Variants in PDC observed in about 807,000 individuals in gnomAD.
PDC encodes the protein 33 kDa phototransducing protein.
A neutral mutation model predicts 22.2 loss-of-function variants in PDC; 19 were observed. The ratio of observed to expected loss-of-function variants is 0.86; its 90% CI spans 0.60 to 1.26. PDC has a LOEUF of 1.26. Ranked by LOEUF, PDC falls within the 50% of genes most tolerant of loss-of-function variation. The pLI is 0.00. For missense variants in PDC, 274 were observed against 286.8 expected (o/e 0.96, Z 0.32); for synonymous variants, 97 against 96.2 (o/e 1.01, Z -0.05).
chr1:186,446,363 AGATT>A, intron 3 of PDC, 59 bp downstream of exon 3: 1 of 1,219,472 alleles, frequency 8.2e-7, no homozygotes, highest in Non-Finnish European at 1.1e-6. Flanking sequence ...GTGATTCTCT[AGATT>A]GATTTAGATT....
chr1:186,447,495 C>A (rs1662258166), intron 2 of PDC, among the ~76,000 whole-genome samples: 1 of 152,150 alleles, frequency 6.6e-6, no homozygotes, highest in Non-Finnish European at 1.5e-5. Flanking sequence ...GATGATTCAA[C>A]TGGAATTCTG....
intron 1 of PDC, among the ~76,000 whole-genome samples, chr1:186,452,554 A>G (rs1311927534): frequency 6.6e-6 from 1 of 152,226 alleles, no homozygotes; most frequent in African/African-American, 2.4e-5. Flanking sequence ...AAGTAATTTA[A>G]TTGAAATATT....
chr1:186,456,888 T>TA (rs1235642975), intron 1 of PDC, among the ~76,000 whole-genome samples: 1 of 152,216 alleles, frequency 6.6e-6, no homozygotes, highest in African/African-American at 2.4e-5. Context: ...ACCTGGCACA[T>TA]ACTATGCTTT....
chr1:186,448,174 T>G (rs1662274894), intron 2 of PDC, among the ~76,000 whole-genome samples: 1 of 152,188 alleles, frequency 6.6e-6, no homozygotes, highest in African/African-American at 2.4e-5. Flanking sequence ...TAAGTAAAAT[T>G]CCCTGGTCAA....
At chr1:186,446,621 A>G (rs1662234018) in intron 2 of PDC, 44 bp from the exon 3 acceptor site, 4 of 1,224,966 alleles carry the variant, frequency 3.3e-6, no homozygotes, top group South Asian at 2.9e-5. Flanking sequence ...TTTATTTTCA[A>G]AAGGACTGTT....
chr1:186,458,225 T>TC (rs1338377050), intron 1 of PDC, among the ~76,000 whole-genome samples: 33 of 115,490 alleles, frequency 2.9e-4, no homozygotes, highest in African/African-American at 1.0e-3. Flanking sequence ...ATACAGATAT[T>TC]CTTTTTTTTT....
rs1450984643 is a variant in PDC at position 186,446,501 on chromosome 1, C to T, written c.138G>A (p.Lys46=). Residue 46 remains lysine, a synonymous_variant, in exon 3 of 4, where the codon AAG becomes AAA. Transcript: ENST00000391997. The stretch of plus-strand genomic sequence containing the variant: ...AAGACATTTGCCTGAGAATCTCCTT[C>T]TTGCTAGGTGGAATTGAATCACTGT... ...SQDSDSIPPS[K]KEILRQMSSP... The T allele has an allele frequency of 1.2e-6, 2 of 1,605,482 alleles. No homozygotes were observed.
At position 186,460,472 on chromosome 1, in the gene PDC, T is replaced by G. The variant is rs146235716; in HGVS notation, c.-25+587A>C. ...GCGCAAGTGTTGTGATGGTAGCATATTGTTATAAAGGTTCTATTTTATTAT... is the reference window on the plus strand; with the variant it reads ...GCGCAAGTGTTGTGATGGTAGCATAGTGTTATAAAGGTTCTATTTTATTAT... On this transcript the variant is annotated intron_variant, in intron 1 of 3. Transcript: ENST00000391997. 4.4e-4 allele frequency among the ~76,000 whole-genome samples: 67 copies of G among 152,334 alleles called. No homozygotes were observed. The East Asian group carries it at 0.012, about 27-fold the overall frequency.
intron 3 of PDC, 37 bp downstream of exon 3, chr1:186,446,389 T>A (rs1662227912): frequency 1.4e-6 from 2 of 1,459,474 alleles, no homozygotes; most frequent in Non-Finnish European, 1.9e-6. Flanking sequence ...GAAAACACAT[T>A]GTAAATTATT....
intron 1 of PDC, among the ~76,000 whole-genome samples, chr1:186,449,875 A>C (rs890872900): frequency 2.6e-5 from 4 of 152,132 alleles, no homozygotes; most frequent in African/African-American, 9.6e-5. Flanking sequence ...TATTTCATAT[A>C]ATAAAAATTA....
chr1:186,448,631 T>G, intron 2 of PDC: 1 of 865,002 alleles, frequency 1.2e-6, no homozygotes, highest in Non-Finnish European at 1.4e-6. Flanking sequence ...TACCAACCTT[T>G]TCTTCAATGG....
intron 3 of PDC, among the ~76,000 whole-genome samples, chr1:186,444,872 AT>A (rs1375555396): frequency 6.6e-6 from 1 of 152,178 alleles, no homozygotes; most frequent in East Asian, 1.9e-4. Flanking sequence ...CAAGAGGTTA[AT>A]TTTTGGACCA....
chr1:186,459,889 G>A (rs1265120085), intron 1 of PDC, among the ~76,000 whole-genome samples: 2 of 145,240 alleles, frequency 1.4e-5, no homozygotes, highest in Non-Finnish European at 3.0e-5. Context: ...AGGTTTATTA[G>A]TAATAATAAT....
intron 3 of PDC, among the ~76,000 whole-genome samples, chr1:186,445,133 T>C (rs1411406131): frequency 6.6e-6 from 1 of 152,094 alleles, no homozygotes; most frequent in African/African-American, 2.4e-5. Flanking sequence ...GCTACTCCAT[T>C]ATTAATGTAT....
chr1:186,446,606 TCC>T (rs1402272009), intron 2 of PDC, 29 bp from the exon 3 acceptor site: 1 of 1,393,186 alleles, frequency 7.2e-7, no homozygotes, highest in African/African-American at 1.4e-5. Context: ...TAAATTGTTT[TCC>T]TTTTTATTTT....
intron 1 of PDC, among the ~76,000 whole-genome samples, chr1:186,459,110 C>T (rs1360067882): frequency 6.6e-6 from 1 of 151,986 alleles, no homozygotes; most frequent in African/African-American, 2.4e-5. Flanking sequence ...TGCAGTGAGC[C>T]GACATCTCGC....
chr1:186,449,562 G>A (rs1455606763), intron 1 of PDC, 79 bp from the exon 2 acceptor site: 17 of 645,000 alleles, frequency 2.6e-5, no homozygotes, highest in Non-Finnish European at 4.3e-5. Flanking sequence ...AAATATATAG[G>A]TACATGCATA....
chr1:186,453,147 A>G (rs1322304963), intron 1 of PDC, among the ~76,000 whole-genome samples: 3 of 152,172 alleles, frequency 2.0e-5, no homozygotes, highest in African/African-American at 7.2e-5. Context: ...ATAATTTTAA[A>G]TAGTACTTTA....
At chr1:186,449,227 A>C (rs901042214) in intron 2 of PDC, among the ~76,000 whole-genome samples, 172 bp downstream of exon 2, 1 of 152,058 alleles carries the variant, frequency 6.6e-6, no homozygotes, top group East Asian at 1.9e-4. Flanking sequence ...AACTGTTAGG[A>C]ATTATTTGAT....
Sources: gnomAD v4.1 joint callset for allele counts (sites outside exome capture counted in the v4.1 genomes callset) on GRCh38, gnomAD v4.1.1 for gene constraint, MANE v1.5 for transcripts, NCBI Gene and HGNC (gene_info 2026-07-23, HGNC 2026-07-21) for gene names.